RBMS1: variants seen among roughly 807,000 people sequenced by gnomAD.
The protein encoded by RBMS1 is RNA binding motif single stranded interacting protein 1.
In RBMS1, 17 loss-of-function variants were observed where a neutral mutation model predicts 62.3. The ratio of observed to expected loss-of-function variants is 0.27; its 90% CI spans 0.19 to 0.41. The LOEUF (loss-of-function observed/expected upper bound fraction) is 0.41. RBMS1 is among the 10% of genes least tolerant of loss of function. RBMS1 has a pLI of 1.00. For missense variants in RBMS1, 334 were observed against 504.5 expected, an observed-to-expected ratio of 0.66 and a Z score of 3.24; for synonymous variants, 172 against 170.0, an observed-to-expected ratio of 1.01 and a Z score of -0.09.
intron 1 of RBMS1, among the ~76,000 whole-genome samples, chr2:160,481,281 A>T (rs747214207): frequency 5.3e-5 from 8 of 151,858 alleles, no homozygotes; most frequent in East Asian, 1.9e-4. Flanking sequence ...TGCTATCCAC[A>T]CCAAACACAA....
rs1354036120 is a variant in RBMS1 at position 160,305,800 on chromosome 2, T to C, written c.403-2313A>G. Among the ~76,000 whole-genome samples, 5 of 152,188 alleles carry C rather than the reference T, an allele frequency of 3.3e-5. No individual in the cohort carries two copies. In the East Asian group the frequency reaches 5.8e-4, roughly 18 times the overall value. On this transcript the variant is annotated intron_variant, in intron 4 of 13. Transcript: ENST00000348849. Reference sequence around the variant, plus strand: ...TAATTAAAGGGCACTAAAACACTCTTTGGACAGAGATATGGTATAAAAAAT... The same window carrying C: ...TAATTAAAGGGCACTAAAACACTCTCTGGACAGAGATATGGTATAAAAAAT...
intron 1 of RBMS1, among the ~76,000 whole-genome samples, chr2:160,400,404 G>A (rs1695374719): frequency 6.7e-6 from 1 of 149,232 alleles, no homozygotes; most frequent in South Asian, 2.1e-4. Context: ...CAAAAAGCAA[G>A]TTTGCAATGA....
intron 6 of RBMS1, among the ~76,000 whole-genome samples, chr2:160,287,943 A>G (rs186702052): frequency 3.3e-5 from 5 of 150,410 alleles, no homozygotes; most frequent in Admixed American, 6.6e-5. Flanking sequence ...ATTACTATAT[A>G]CCTATACATT....
intron 7 of RBMS1, among the ~76,000 whole-genome samples, chr2:160,285,377 A>G (rs902235090): frequency 2.6e-5 from 4 of 152,160 alleles, no homozygotes; most frequent in Admixed American, 6.5e-5. Flanking sequence ...CTGGACCTGC[A>G]CTGTCCCATG....
intron 1 of RBMS1, among the ~76,000 whole-genome samples, chr2:160,445,285 C>T (rs912729136): frequency 6.6e-6 from 1 of 152,072 alleles, no homozygotes; most frequent in African/African-American, 2.4e-5. Flanking sequence ...GCAAAAGAAA[C>T]ATAAAAGCTT....
intron 1 of RBMS1, among the ~76,000 whole-genome samples, chr2:160,426,151 T>C (rs533917493): frequency 1.3e-5 from 2 of 151,284 alleles, no homozygotes; most frequent in African/African-American, 4.9e-5. Flanking sequence ...ACCATGTTCA[T>C]TTTATCATCC....
At chr2:160,479,878 C>A (rs770730637) in intron 1 of RBMS1, among the ~76,000 whole-genome samples, 2 of 152,146 alleles carry the variant, frequency 1.3e-5, no homozygotes, top group Non-Finnish European at 2.9e-5. Context: ...CCTAGGCTAA[C>A]CTAGCCAGAA....
At chr2:160,423,722 A>G (rs1457001711) in intron 1 of RBMS1, among the ~76,000 whole-genome samples, 1 of 152,238 alleles carries the variant, frequency 6.6e-6, no homozygotes, top group African/African-American at 2.4e-5. Context: ...TACCACAGCC[A>G]GAGCTCCAAT....
At chr2:160,425,754 A>G (rs1356722920) in intron 1 of RBMS1, among the ~76,000 whole-genome samples, 1 of 152,148 alleles carries the variant, frequency 6.6e-6, no homozygotes, top group Admixed American at 6.5e-5. Context: ...TGAATGGAAA[A>G]CTGTCATCCA....
At chr2:160,407,096 T>C (rs1695766170) in intron 1 of RBMS1, among the ~76,000 whole-genome samples, 1 of 152,158 alleles carries the variant, frequency 6.6e-6, no homozygotes, top group Non-Finnish European at 1.5e-5. Context: ...CTGAGGTTCC[T>C]AGCGAAGACT....
chr2:160,328,700 G>A (rs1691089720), intron 2 of RBMS1, among the ~76,000 whole-genome samples: 2 of 152,074 alleles, frequency 1.3e-5, no homozygotes, highest in South Asian at 4.1e-4. Context: ...TAAGGGGCTG[G>A]GGTGGGGCGG....
intron 1 of RBMS1, among the ~76,000 whole-genome samples, chr2:160,467,406 G>A (rs778115099): frequency 6.6e-6 from 1 of 152,170 alleles, no homozygotes; most frequent in Non-Finnish European, 1.5e-5. Context: ...CCATCTCTAA[G>A]TGAACCTTAT....
chr2:160,440,140 T>TCTCA (rs71003501), intron 1 of RBMS1, among the ~76,000 whole-genome samples: 125,620 of 146,074 alleles, frequency 0.86, 54,318 homozygotes, highest in East Asian at 0.96. Flanking sequence ...TGAGACAGAG[T>TCTCA]CTCTGTTGCC....
intron 1 of RBMS1, among the ~76,000 whole-genome samples, chr2:160,422,290 G>T (rs1485726071): frequency 6.6e-6 from 1 of 152,138 alleles, no homozygotes; most frequent in Non-Finnish European, 1.5e-5. Context: ...GAGTTTAGGG[G>T]GTCGTGAGTA....
intron 1 of RBMS1, among the ~76,000 whole-genome samples, chr2:160,410,634 G>A (rs1695987499): frequency 1.3e-5 from 2 of 152,182 alleles, no homozygotes; most frequent in African/African-American, 2.4e-5. Flanking sequence ...AAAGTTCCTC[G>A]ACCTTTGAAA....
chr2:160,329,592 A>C (rs1219375222), intron 2 of RBMS1, among the ~76,000 whole-genome samples: 1 of 152,086 alleles, frequency 6.6e-6, no homozygotes, highest in Non-Finnish European at 1.5e-5. Flanking sequence ...AAAACACGTA[A>C]CTATAAAGAG....
chr2:160,317,246 G>A (rs1281901016), intron 3 of RBMS1, among the ~76,000 whole-genome samples: 1 of 152,144 alleles, frequency 6.6e-6, no homozygotes, highest in African/African-American at 2.4e-5. Context: ...CTACCATAGG[G>A]TTCATTTATG....
chr2:160,346,127 T>A (rs1692161142), intron 2 of RBMS1, among the ~76,000 whole-genome samples: 4 of 152,176 alleles, frequency 2.6e-5, no homozygotes. Context: ...ATGCCCCTTC[T>A]TAAAAAAACT....
intron 1 of RBMS1, among the ~76,000 whole-genome samples, chr2:160,475,438 T>C (rs1347029058): frequency 6.6e-6 from 1 of 152,212 alleles, no homozygotes; most frequent in Non-Finnish European, 1.5e-5. Flanking sequence ...CTGAAGGTCA[T>C]CACCTCTCTC....
Sources: gnomAD v4.1 joint callset for allele counts (sites outside exome capture counted in the v4.1 genomes callset) on GRCh38, gnomAD v4.1.1 for gene constraint, MANE v1.5 for transcripts, NCBI Gene and HGNC (gene_info 2026-07-23, HGNC 2026-07-21) for gene names.